ANKIB1: variants seen among roughly 807,000 people sequenced by gnomAD.
The protein encoded by ANKIB1 is ankyrin repeat and IBR domain containing 1.
A neutral mutation model predicts 122.1 loss-of-function variants in ANKIB1; 43 were observed. The observed-to-expected ratio is 0.35, with a 90% confidence interval of 0.28 to 0.45. The LOEUF (loss-of-function observed/expected upper bound fraction) is 0.45. Ranked by LOEUF, ANKIB1 falls within the 20% of genes least tolerant of loss-of-function variation. The pLI, the probability that ANKIB1 is intolerant of heterozygous loss-of-function variation, is 1.00. For synonymous variants in ANKIB1, 390 were observed against 442.0 expected (o/e 0.88, Z 1.48); for missense variants, 992 against 1,329.5 (o/e 0.75, Z 3.95).
chr7:92,285,434 G>T (rs549124707), intron 1 of ANKIB1, among the ~76,000 whole-genome samples: 2 of 152,236 alleles, frequency 1.3e-5, no homozygotes, highest in East Asian at 3.9e-4. Context: ...TATATTGGTG[G>T]ACGTTTTAGT....
At chr7:92,338,937 TA>T (rs1803366529) in intron 5 of ANKIB1, among the ~76,000 whole-genome samples, 1 of 16,106 alleles carries the variant, frequency 6.2e-5, no homozygotes, top group African/African-American at 2.5e-4. Context: ...AAAAAAAATA[TA>T]TATATATATA....
intron 9 of ANKIB1, among the ~76,000 whole-genome samples, chr7:92,358,135 G>A (rs576691288): frequency 7.9e-5 from 12 of 152,170 alleles, no homozygotes; most frequent in African/African-American, 1.4e-4. Flanking sequence ...CCATCTACTC[G>A]GGAGGCTGAG....
intron 5 of ANKIB1, among the ~76,000 whole-genome samples, chr7:92,342,161 T>C (rs892453941): frequency 6.6e-6 from 1 of 152,114 alleles, no homozygotes; most frequent in Non-Finnish European, 1.5e-5. Context: ...TTCTCAGAAA[T>C]AGTGTGTGAT....
intron 1 of ANKIB1, among the ~76,000 whole-genome samples, chr7:92,273,769 T>A (rs1231505376): frequency 6.7e-6 from 1 of 148,344 alleles, no homozygotes; most frequent in Non-Finnish European, 1.5e-5. Context: ...CAGACAGCTA[T>A]TTTTTTTCTT....
chr7:92,279,537 A>T (rs1482360352), intron 1 of ANKIB1, among the ~76,000 whole-genome samples: 1 of 152,148 alleles, frequency 6.6e-6, no homozygotes, highest in African/African-American at 2.4e-5. Flanking sequence ...TTCATAGTTT[A>T]GGGCCCACAG....
chr7:92,358,907 GT>G (rs200540000), intron 9 of ANKIB1, among the ~76,000 whole-genome samples: 1,964 of 152,026 alleles, frequency 0.013, 19 homozygotes, highest in Non-Finnish European at 0.018. Flanking sequence ...TCCCACCTGT[GT>G]TTGCAGGCAC....
At chr7:92,287,087 A>G (rs1160345716) in intron 1 of ANKIB1, among the ~76,000 whole-genome samples, 5 of 152,210 alleles carry the variant, frequency 3.3e-5, no homozygotes, top group Non-Finnish European at 5.9e-5. Context: ...AGACTTATGG[A>G]AAGGTTGCAA....
intron 10 of ANKIB1, among the ~76,000 whole-genome samples, chr7:92,368,273 A>T (rs1804143256): frequency 1.3e-5 from 2 of 151,488 alleles, no homozygotes; most frequent in South Asian, 4.2e-4. Context: ...TATGAAGTTA[A>T]TACGTTTTAG....
chr7:92,263,053 A>G (rs1801597764), intron 1 of ANKIB1, among the ~76,000 whole-genome samples: 1 of 152,154 alleles, frequency 6.6e-6, no homozygotes, highest in Admixed American at 6.5e-5. Context: ...AATTTTCTCA[A>G]TATACTATAA....
chr7:92,277,357 T>G (rs1801925728), intron 1 of ANKIB1, among the ~76,000 whole-genome samples: 1 of 152,232 alleles, frequency 6.6e-6, no homozygotes, highest in Non-Finnish European at 1.5e-5. Flanking sequence ...TACAGTTTTT[T>G]GACTTGGTTT....
chr7:92,287,540 T>C (rs1002901409), intron 1 of ANKIB1, among the ~76,000 whole-genome samples: 56 of 152,330 alleles, frequency 3.7e-4, no homozygotes, highest in African/African-American at 1.2e-3. Context: ...AGGTGGTGTT[T>C]CCTGGTCAGA....
At chr7:92,254,271 G>C (rs949398254) in intron 1 of ANKIB1, among the ~76,000 whole-genome samples, 1 of 152,170 alleles carries the variant, frequency 6.6e-6, no homozygotes, top group Admixed American at 6.5e-5. Flanking sequence ...GGGATGGTTT[G>C]TTCTGTAGCA....
chr7:92,347,611 G>A (rs539151719), intron 7 of ANKIB1, among the ~76,000 whole-genome samples: 22 of 152,172 alleles, frequency 1.4e-4, no homozygotes, highest in Admixed American at 1.3e-3. Flanking sequence ...AGACCCTGTC[G>A]ATTGATTGAT....
chr7:92,391,125 T>C, intron 15 of ANKIB1, 41 bp from the exon 16 acceptor site: 1 of 1,546,670 alleles, frequency 6.5e-7, no homozygotes, highest in Non-Finnish European at 8.8e-7. Flanking sequence ...TTGATTAACC[T>C]ATGAAGCCTG....
chr7:92,302,525 A>G (rs1050529812), intron 2 of ANKIB1, among the ~76,000 whole-genome samples: 1 of 152,102 alleles, frequency 6.6e-6, no homozygotes, highest in African/African-American at 2.4e-5. Flanking sequence ...CTAAATCCAT[A>G]CTCACAGCTA....
chr7:92,383,297 A>G (rs571801124), intron 11 of ANKIB1, among the ~76,000 whole-genome samples: 5 of 152,346 alleles, frequency 3.3e-5, no homozygotes, highest in African/African-American at 1.2e-4. Context: ...TTCACAGCCA[A>G]ATTGTACCAG....
chr7:92,389,339 GT>G (rs1302300167), intron 14 of ANKIB1, among the ~76,000 whole-genome samples: 11 of 144,094 alleles, frequency 7.6e-5, no homozygotes, highest in South Asian at 2.2e-4. Flanking sequence ...TTCTGGTTTT[GT>G]TTTTTTTTTG....
chr7:92,306,944 C>G (rs1802574450), intron 2 of ANKIB1, among the ~76,000 whole-genome samples: 1 of 152,042 alleles, frequency 6.6e-6, no homozygotes, highest in African/African-American at 2.4e-5. Flanking sequence ...ACAAATAGAT[C>G]AGAGCAATAA....
chr7:92,339,302 A>G (rs1803385286), intron 5 of ANKIB1, among the ~76,000 whole-genome samples: 1 of 151,964 alleles, frequency 6.6e-6, no homozygotes, highest in African/African-American at 2.4e-5. Context: ...TTGGCCTCCC[A>G]AAGTGCTGGG....
Sources: gnomAD v4.1 joint callset for allele counts (sites outside exome capture counted in the v4.1 genomes callset) on GRCh38, gnomAD v4.1.1 for gene constraint, MANE v1.5 for transcripts, NCBI Gene and HGNC (gene_info 2026-07-23, HGNC 2026-07-21) for gene names.